The following BLCAP variants were observed in gnomAD, a reference collection of about 807,000 sequenced individuals.
BLCAP encodes the protein BLCAP apoptosis inducing factor, also known as apoptosis inducing factor BLCAP.
A neutral mutation model predicts 5.7 loss-of-function variants in BLCAP; 1 was observed. The ratio of observed to expected loss-of-function variants is 0.18; its 90% confidence interval spans 0.06 to 0.83. The LOEUF (loss-of-function observed/expected upper bound fraction) is 0.83. BLCAP is among the 40% of genes least tolerant of loss of function. The pLI, the probability that BLCAP is intolerant of heterozygous loss-of-function variation, is 0.71. For missense variants in BLCAP, 66 were observed against 107.6 expected (o/e 0.61, Z 1.71); for synonymous variants, 48 against 49.4 (o/e 0.97, Z 0.11).
chr20:37,526,123 A>AG (rs2071713689), intron 1 of BLCAP, among the ~76,000 whole-genome samples: 2 of 152,148 alleles, frequency 1.3e-5, no homozygotes, highest in Admixed American at 6.5e-5. Flanking sequence ...AGGGAAGGGC[A>AG]GGGGCAAGTT....
At position 37,518,687 on chromosome 20, in the gene BLCAP, C is replaced by T; in HGVS notation, c.*224G>A. On this transcript the variant is annotated 3_prime_UTR_variant, in exon 2 of 2. Coordinates refer to ENST00000373537, the MANE Select transcript of BLCAP (RefSeq NM_006698.4). ...AGCCAGGACCTAGATGGGGACAGAA[C>T]ACACACAACCACAAGACCACCCACG... The T allele has an allele frequency of 3.2e-6, 2 of 630,580 alleles. No individual in the cohort carries two copies. Among genetic ancestry groups the T allele is most frequent in the East Asian group, 3.0e-5 (1 of 33,682 alleles). The allele number at this position is 630,580 out of a possible 1,614,324, so 39.1% of individuals were successfully genotyped here.
intron 1 of BLCAP, among the ~76,000 whole-genome samples, chr20:37,526,137 T>C (rs1412277000): frequency 1.3e-5 from 2 of 152,126 alleles, no homozygotes; most frequent in Non-Finnish European, 2.9e-5. Context: ...GCAAGTTCCT[T>C]GAGCTTGGGC....
At position 37,521,538 on chromosome 20, in the gene BLCAP, C is replaced by T. The variant is rs539643180; in HGVS notation, c.-176-2188G>A. The T allele has an allele frequency of 2.9e-4, 255 of 881,908 alleles. 3 individuals carry two copies. Among genetic ancestry groups the T allele is most frequent in the Middle Eastern group, 2.0e-3 (7 of 3,560 alleles). The allele number at this position is 881,908 out of a possible 1,614,324, so 54.6% of individuals were successfully genotyped here. On this transcript the variant is annotated intron_variant, in intron 1 of 1. Transcript: ENST00000373537. This position sits in a 1 kb window ranked among gnomAD's most constrained non-coding sequence, Gnocchi z 4.5. ...GCGATCCTTGCCTGCCCAAGTGCCG[C>T]TGCCGGCACCGCGCGCCCCCTGCCC...
chr20:37,521,245 G>A lies in BLCAP; in HGVS notation c.-176-1895C>T, dbSNP rs969552624. On this transcript the variant is annotated intron_variant, in intron 1 of 1. Coordinates refer to ENST00000373537, the MANE Select transcript of BLCAP (RefSeq NM_006698.4). This position sits in a 1 kb window ranked among gnomAD's most constrained non-coding sequence, Gnocchi z 4.5. The stretch of plus-strand genomic sequence containing the variant: ...TACTTAAGGCGCGGCCACCGCGGCT[G>A]CGGCAGTGCGCCCAACAGCGGACTC... 2.1e-6 allele frequency: 3 copies of A among 1,398,870 alleles called. No individual in the cohort carries two copies. Among genetic ancestry groups the A allele is most frequent in the Non-Finnish European group, 3.0e-6 (3 of 986,864 alleles). The allele number at this position is 1,398,870 out of a possible 1,614,324, so 86.7% of individuals were successfully genotyped here.
At position 37,517,832 on chromosome 20, in the gene BLCAP, G is replaced by C. The variant is rs1601081922; in HGVS notation, c.*1079C>G. The C allele has an allele frequency of 6.6e-6, 1 of 152,612 alleles. No homozygotes were observed. The highest frequency in any genetic ancestry group is 2.1e-4 in the South Asian group (1 of 4,822). The allele number at this position is 152,612 out of a possible 1,614,324, so 9.5% of individuals were successfully genotyped here. On this transcript the variant is annotated 3_prime_UTR_variant, in exon 2 of 2. Transcript: ENST00000373537. Reference sequence around the variant, plus strand: ...CCCTCTGTCTTGTCTGAACCACCTCGGAGTCCAGTGTGCTGGTCACTCTGC... The same window carrying C: ...CCCTCTGTCTTGTCTGAACCACCTCCGAGTCCAGTGTGCTGGTCACTCTGC...
chr20:37,526,361 T>TC (rs2071721551), intron 1 of BLCAP, among the ~76,000 whole-genome samples: 2 of 148,848 alleles, frequency 1.3e-5, no homozygotes. Context: ...ACAATCTCTT[T>TC]TCCCCCCGGT....
rs1425324937 is a variant in BLCAP at position 37,518,269 on chromosome 20, TA to T, written c.*641del. ...AACATCTATCTGTTGCTTCCTTTCT[TA>T]AAAATGAAGTGGAGAAAATACTGAA... On this transcript the variant is annotated 3_prime_UTR_variant, in exon 2 of 2. Transcript: ENST00000373537. 2.0e-5 allele frequency: 3 copies of T among 152,252 alleles called. No individual in the cohort carries two copies. Among genetic ancestry groups the T allele is most frequent in the Non-Finnish European group, 4.4e-5 (3 of 68,052 alleles). 9.4% of individuals were successfully genotyped at this position (152,252 alleles called of 1,614,324 possible). A position where few individuals can be genotyped will look rare whatever the true frequency, so the allele number is the denominator to read the frequency against.
At chr20:37,522,598 G>GGGGGGGGGGGGGGGGGGGGGCCCC in intron 1 of BLCAP, 6 of 864,224 alleles carry the variant, frequency 6.9e-6, no homozygotes, top group Admixed American at 2.4e-5. Context: ...GCGGGGGTGG[G>GGGGGGGGGGGGGGGGGGGGGCCCC]CACGGCAGCA....
In BLCAP at chr20:37,517,467, C is replaced by A. The variant is rs1470994390; in HGVS notation, c.*1444G>T. 1 of 152,598 alleles carries A rather than the reference C, an allele frequency of 6.6e-6. No individual in the cohort carries two copies. Among genetic ancestry groups the A allele is most frequent in the Non-Finnish European group, 1.5e-5 (1 of 68,042 alleles). The allele number at this position is 152,598 out of a possible 1,614,324, so 9.5% of individuals were successfully genotyped here. A position where few individuals can be genotyped will look rare whatever the true frequency, so the allele number is the denominator to read the frequency against. Reference sequence around the variant, plus strand: ...ATTTCAAACAGCTGTGCAACGAACACACCAAATAAAAGCTCTAGAATAGCA... The same window carrying A: ...ATTTCAAACAGCTGTGCAACGAACAAACCAAATAAAAGCTCTAGAATAGCA... On this transcript the variant is annotated 3_prime_UTR_variant, in exon 2 of 2. Transcript: ENST00000373537.
At chr20:37,524,166 T>C (rs2071681363) in intron 1 of BLCAP, among the ~76,000 whole-genome samples, 1 of 152,008 alleles carries the variant, frequency 6.6e-6, no homozygotes, top group South Asian at 2.1e-4. Flanking sequence ...GCTTAGACAA[T>C]GAGTATGGGA....
chr20:37,521,264 C>T lies in BLCAP; in HGVS notation c.-176-1914G>A, dbSNP rs1447616979. 6.5e-6 allele frequency: 10 copies of T among 1,536,418 alleles called. No individual in the cohort carries two copies. In the East Asian group the frequency reaches 2.3e-4, roughly 35 times the overall value. On this transcript the variant is annotated intron_variant, in intron 1 of 1. Transcript: ENST00000373537. This position sits in a 1 kb window ranked among gnomAD's most constrained non-coding sequence, Gnocchi z 4.5. Reference sequence around the variant, plus strand: ...GCGGCTGCGGCAGTGCGCCCAACAGCGGACTCCGAGACCAGCGGATCTCGG... The same window carrying T: ...GCGGCTGCGGCAGTGCGCCCAACAGTGGACTCCGAGACCAGCGGATCTCGG...
chr20:37,522,598 G>GGGGGGGGGGGGGGGGGGGTGCC, intron 1 of BLCAP: 1 of 864,464 alleles, frequency 1.2e-6, no homozygotes, highest in Non-Finnish European at 1.7e-6. Flanking sequence ...GCGGGGGTGG[G>GGGGGGGGGGGGGGGGGGGTGCC]CACGGCAGCA....
chr20:37,518,568 G>T lies in BLCAP; in HGVS notation c.*343C>A. On this transcript the variant is annotated 3_prime_UTR_variant, in exon 2 of 2. Coordinates refer to ENST00000373537, the MANE Select transcript of BLCAP (RefSeq NM_006698.4). ...GGGTCACAGAGGTGACAATGAGACT[G>T]GCATTTTATCTGCCCCAGGTCACAT... 4.2e-6 allele frequency: 1 copy of T among 239,854 alleles called. No homozygotes were observed. The highest frequency in any genetic ancestry group is 9.5e-5 in the East Asian group (1 of 10,532). 14.9% of individuals were successfully genotyped at this position (239,854 alleles called of 1,614,324 possible).
intron 1 of BLCAP, among the ~76,000 whole-genome samples, chr20:37,527,284 C>A (rs563309622): frequency 1.3e-5 from 2 of 152,262 alleles, no homozygotes; most frequent in Non-Finnish European, 2.9e-5. Flanking sequence ...CTTAGCAGAG[C>A]GTCAGCCTAT....
intron 1 of BLCAP, among the ~76,000 whole-genome samples, chr20:37,526,154 T>C (rs1392583495): frequency 6.6e-6 from 1 of 152,106 alleles, no homozygotes; most frequent in African/African-American, 2.4e-5. Context: ...GGGCAACGGA[T>C]TACTGTTGGA....
intron 1 of BLCAP, chr20:37,522,552 G>C: frequency 8.3e-7 from 1 of 1,208,200 alleles, no homozygotes; most frequent in Non-Finnish European, 1.1e-6. Context: ...CGCCTCTCCA[G>C]CCTACGCTGG....
At position 37,521,421 on chromosome 20, in the gene BLCAP, T is replaced by C. The variant is rs774494484; in HGVS notation, c.-176-2071A>G. The stretch of plus-strand genomic sequence containing the variant: ...TGCTGCAGGTAAGTCTGACGGGGTT[T>C]CGGGTGGGAGAGGGTTCCCAACTCG... On this transcript the variant is annotated intron_variant, in intron 1 of 1. Transcript: ENST00000373537. This position sits in a 1 kb window ranked among gnomAD's most constrained non-coding sequence, Gnocchi z 4.5. The C allele has an allele frequency of 6.2e-7, 1 of 1,613,710 alleles. No individual in the cohort carries two copies. The highest frequency in any genetic ancestry group is 8.5e-7 in the Non-Finnish European group (1 of 1,179,590).
Position 37,519,310 on chromosome 20 carries a change from T to TC in BLCAP, c.-137dup, listed in dbSNP as rs1321749901. On this transcript the variant is annotated 5_prime_UTR_variant, in exon 2 of 2. Transcript: ENST00000373537. Reference sequence around the variant, plus strand: ...CTCTCCAGGAGCTGAGCCGCTGTGCTCTCTGGCTGTCAGCCCGGGATCACC... The same window carrying TC: ...CTCTCCAGGAGCTGAGCCGCTGTGCTCCTCTGGCTGTCAGCCCGGGATCACC... 9.6e-7 allele frequency: 1 copy of TC among 1,046,208 alleles called. No individual in the cohort carries two copies. Among genetic ancestry groups the TC allele is most frequent in the Non-Finnish European group, 1.3e-6 (1 of 746,932 alleles). The allele number at this position is 1,046,208 out of a possible 1,614,324, so 64.8% of individuals were successfully genotyped here.
At chr20:37,522,838 G>A (rs1166696298) in intron 1 of BLCAP, 18 of 1,339,836 alleles carry the variant, frequency 1.3e-5, no homozygotes, top group Non-Finnish European at 1.8e-5. Flanking sequence ...CCAGTGCCGC[G>A]CAGGAATGTG....
Sources: allele counts gnomAD v4.1 joint callset (sites outside exome capture counted in the v4.1 genomes callset), GRCh38; gene constraint gnomAD v4.1.1; non-coding constraint Gnocchi (gnomAD v3.1); transcripts MANE v1.5; gene names NCBI Gene and HGNC (gene_info 2026-07-23, HGNC 2026-07-21).